Variants in KDM4C observed in about 807,000 individuals in gnomAD.
KDM4C encodes lysine-specific demethylase 4C.
In KDM4C, 81 loss-of-function variants were observed where a neutral mutation model predicts 129.3. That is an observed-to-expected ratio of 0.63 (90% CI 0.52 to 0.75). The LOEUF is 0.75. Among genes scored for constraint, KDM4C ranks in the 30% least tolerant of loss-of-function variants. KDM4C has a pLI of 0.00. For synonymous variants in KDM4C, 573 were observed against 456.1 expected, an observed-to-expected ratio of 1.26 and a Z score of -3.26; for missense variants, 1,457 against 1,304.0, an observed-to-expected ratio of 1.12 and a Z score of -1.81.
intron 15 of KDM4C, among the ~76,000 whole-genome samples, chr9:7,039,364 TA>T (rs1449580071): frequency 6.6e-6 from 1 of 152,042 alleles, no homozygotes; most frequent in Admixed American, 6.6e-5. Flanking sequence ...ACATATTATT[TA>T]TAAGTCTAAT....
intron 11 of KDM4C, among the ~76,000 whole-genome samples, chr9:6,989,505 C>T (rs1818348927): frequency 6.6e-6 from 1 of 151,940 alleles, no homozygotes; most frequent in Admixed American, 6.6e-5. Context: ...GTCTGTAAAT[C>T]CCAGGACAAA....
intron 18 of KDM4C, among the ~76,000 whole-genome samples, chr9:7,116,160 G>C (rs1009256455): frequency 1.3e-5 from 2 of 152,164 alleles, no homozygotes; most frequent in Non-Finnish European, 2.9e-5. Flanking sequence ...GAGACATGGA[G>C]AAGTGAAACT....
intron 8 of KDM4C, among the ~76,000 whole-genome samples, chr9:6,947,280 A>T (rs1016798436): frequency 3.3e-5 from 5 of 152,176 alleles, no homozygotes; most frequent in Non-Finnish European, 7.4e-5. Context: ...TTGGTAAAGA[A>T]TGGAAATTTT....
intron 15 of KDM4C, among the ~76,000 whole-genome samples, chr9:7,030,022 A>T (rs531178121): frequency 6.6e-6 from 1 of 152,322 alleles, no homozygotes; most frequent in African/African-American, 2.4e-5. Flanking sequence ...TAGCCAGTAT[A>T]CCTATAATCT....
chr9:7,141,067 T>C (rs745604755), intron 19 of KDM4C, among the ~76,000 whole-genome samples: 1 of 151,990 alleles, frequency 6.6e-6, no homozygotes, highest in Non-Finnish European at 1.5e-5. Flanking sequence ...AGGGTTGGGG[T>C]TTTATTCTAA....
At chr9:6,840,123 A>G (rs1166417364) in intron 4 of KDM4C, among the ~76,000 whole-genome samples, 1 of 151,950 alleles carries the variant, frequency 6.6e-6, no homozygotes, top group Admixed American at 6.6e-5. Context: ...CCCAGGCTGG[A>G]GTGCAGTGCC....
rs192125360 is a variant in KDM4C at position 6,982,097 on chromosome 9, A to G, written c.1115+979A>G. The G allele has an allele frequency of 2.6e-5, 4 of 152,078 alleles. No individual in the cohort carries two copies. The East Asian group carries it at 7.7e-4, about 29-fold the overall frequency. The allele number at this position is 152,078 out of a possible 1,614,324, so 9.4% of individuals were successfully genotyped here. On this transcript the variant is annotated intron_variant, in intron 9 of 21. Transcript: ENST00000381309. ...ATGTAACTGATTGATTTGCTGCAAC[A>G]TGATTTTTAATGCCTGCATGTATTT... is the stretch of plus-strand genomic sequence containing the variant.
chr9:7,121,373 T>G (rs113222885), intron 18 of KDM4C, among the ~76,000 whole-genome samples: 165 of 152,214 alleles, frequency 1.1e-3, no homozygotes, highest in African/African-American at 3.8e-3. Context: ...GAGTCTGAGG[T>G]TCTTAGAGAG....
At chr9:6,834,316 A>G (rs2131346818) in intron 4 of KDM4C, 2 of 290,936 alleles carry the variant, frequency 6.9e-6, no homozygotes, top group East Asian at 1.7e-4. Context: ...AGATTACAGC[A>G]TGAGCCACCC....
At chr9:6,854,937 A>G (rs1320638486) in intron 5 of KDM4C, among the ~76,000 whole-genome samples, 1 of 152,126 alleles carries the variant, frequency 6.6e-6, no homozygotes, top group Non-Finnish European at 1.5e-5. Context: ...CCATGCCTCA[A>G]TTTTCTCTCC....
intron 15 of KDM4C, among the ~76,000 whole-genome samples, chr9:7,023,897 A>G (rs913451343): frequency 6.6e-6 from 1 of 152,214 alleles, no homozygotes; most frequent in African/African-American, 2.4e-5. Flanking sequence ...CCCACTGGTC[A>G]TTCAGGAGCA....
chr9:6,967,109 C>T (rs868071765), intron 8 of KDM4C, among the ~76,000 whole-genome samples: 5 of 152,166 alleles, frequency 3.3e-5, no homozygotes, highest in African/African-American at 1.2e-4. Context: ...AAGCATCTCC[C>T]TGAAAAATGG....
At chr9:6,731,368 C>G (rs1817329999) in intron 1 of KDM4C, among the ~76,000 whole-genome samples, 1 of 127,252 alleles carries the variant, frequency 7.9e-6, no homozygotes, top group Admixed American at 1.0e-4. Context: ...CTCTTGTTGC[C>G]CAGGCTGGAG....
intron 16 of KDM4C, 143 bp from the exon 17 acceptor site, chr9:7,048,949 T>G (rs1346278649): frequency 8.6e-6 from 5 of 581,232 alleles, no homozygotes; most frequent in Non-Finnish European, 1.5e-5. Context: ...AGGTTTACAG[T>G]TCAGAATCTG....
chr9:7,080,826 G>A (rs1487586316), intron 17 of KDM4C, among the ~76,000 whole-genome samples: 4 of 152,174 alleles, frequency 2.6e-5, no homozygotes, highest in Admixed American at 1.3e-4. Flanking sequence ...TTCAAGGCGC[G>A]TTATAGTCTT....
At chr9:6,831,643 A>G (rs538731362) in intron 4 of KDM4C, among the ~76,000 whole-genome samples, 1 of 152,272 alleles carries the variant, frequency 6.6e-6, no homozygotes, top group Admixed American at 6.5e-5. Context: ...CACCCGGCCT[A>G]TGATGAGATC....
chr9:6,900,675 G>A (rs201422362), intron 8 of KDM4C, among the ~76,000 whole-genome samples: 1 of 152,232 alleles, frequency 6.6e-6, no homozygotes, highest in African/African-American at 2.4e-5. Context: ...TTTTGGATTC[G>A]TCTTCTCTGT....
chr9:6,754,277 A>G (rs1818170498), upstream of KDM4C, among the ~76,000 whole-genome samples: 1 of 150,846 alleles, frequency 6.6e-6, no homozygotes, highest in African/African-American at 2.4e-5. Context: ...CAGTGGTGCT[A>G]TCTTAGCTCA....
chr9:6,799,459 G>T (rs912464553), intron 2 of KDM4C, among the ~76,000 whole-genome samples: 30 of 152,220 alleles, frequency 2.0e-4, no homozygotes, highest in Admixed American at 6.5e-4. Flanking sequence ...CAGGCACTCT[G>T]CAGGCTGAGG....
Sources: gnomAD v4.1 joint callset for allele counts (sites outside exome capture counted in the v4.1 genomes callset) on GRCh38, gnomAD v4.1.1 for gene constraint, MANE v1.5 for transcripts, NCBI Gene and HGNC (gene_info 2026-07-23, HGNC 2026-07-21) for gene names.